The following C8orf34 variants were observed in gnomAD, a reference collection of about 807,000 sequenced individuals.
The protein encoded by C8orf34 is chromosome 8 open reading frame 34.
C8orf34 carries 65 observed loss-of-function variants against 68.3 expected under a neutral mutation model. The ratio of observed to expected loss-of-function variants is 0.95; its 90% confidence interval spans 0.78 to 1.17. The LOEUF (loss-of-function observed/expected upper bound fraction) is 1.17. Among genes scored for constraint, C8orf34 ranks in the 50% most tolerant of loss-of-function variants. C8orf34 has a pLI of 0.00. For synonymous variants in C8orf34, 244 were observed against 241.2 expected, an observed-to-expected ratio of 1.01 and a Z score of -0.11; for missense variants, 664 against 655.4, an observed-to-expected ratio of 1.01 and a Z score of -0.14.
At chr8:68,493,212 A>G (rs1458303481) in intron 5 of C8orf34, among the ~76,000 whole-genome samples, 3 of 152,338 alleles carry the variant, frequency 2.0e-5, no homozygotes, top group African/African-American at 7.2e-5. Flanking sequence ...AAAGGACACA[A>G]CACTCACAAA....
At chr8:68,610,775 A>G (rs1817992795) in intron 7 of C8orf34, among the ~76,000 whole-genome samples, 1 of 151,414 alleles carries the variant, frequency 6.6e-6, no homozygotes, top group Non-Finnish European at 1.5e-5. Context: ...AGTACATTTT[A>G]TTTATGTATT....
At position 68,784,639 on chromosome 8, in the gene C8orf34, T is replaced by G. The variant is rs560549769; in HGVS notation, c.1456-2804T>G. 5.1e-4 allele frequency among the ~76,000 whole-genome samples: 78 copies of G among 152,332 alleles called. 1 individual carries two copies. The highest frequency in any genetic ancestry group is 1.1e-3 in the Non-Finnish European group (75 of 68,026). Reference sequence around the variant, plus strand: ...CATTTATTTATTTGAACATTTATTTTTATCTATATGGACTTACAGATATTT... The same window carrying G: ...CATTTATTTATTTGAACATTTATTTGTATCTATATGGACTTACAGATATTT... On this transcript the variant is annotated intron_variant, in intron 11 of 13. Transcript: ENST00000518698.
At chr8:68,575,956 G>GGTTTTTTTTT (rs747862590) in intron 7 of C8orf34, among the ~76,000 whole-genome samples, 6 of 96,348 alleles carry the variant, frequency 6.2e-5, no homozygotes, top group African/African-American at 3.6e-5. Context: ...GTAGATGGTT[G>GGTTTTTTTTT]TTTTTTTTTT....
chr8:68,549,687 AATGATG>A (rs1200203775), intron 7 of C8orf34, among the ~76,000 whole-genome samples: 2 of 151,756 alleles, frequency 1.3e-5, no homozygotes, highest in Admixed American at 6.6e-5. Flanking sequence ...GTGAAATGAT[AATGATG>A]ATATTGAGAT....
At chr8:68,592,062 G>A (rs1817405537) in intron 7 of C8orf34, among the ~76,000 whole-genome samples, 3 of 152,110 alleles carry the variant, frequency 2.0e-5, no homozygotes, top group Admixed American at 2.0e-4. Context: ...ACTTACAAGT[G>A]TATAAACTTA....
chr8:68,336,079 C>T (rs560427679), intron 1 of C8orf34, among the ~76,000 whole-genome samples: 51 of 151,532 alleles, frequency 3.4e-4, no homozygotes, highest in Admixed American at 3.3e-3. Context: ...AGAGGGAGAC[C>T]CCATTACAAA....
intron 8 of C8orf34, among the ~76,000 whole-genome samples, chr8:68,652,083 G>T (rs1251561511): frequency 1.3e-5 from 2 of 152,120 alleles, no homozygotes; most frequent in Non-Finnish European, 2.9e-5. Context: ...AACCAATAAG[G>T]TTGTTGATCC....
chr8:68,335,980 G>A (rs1585935291), intron 1 of C8orf34, among the ~76,000 whole-genome samples: 2 of 152,050 alleles, frequency 1.3e-5, no homozygotes, highest in South Asian at 2.1e-4. Flanking sequence ...CCAGCTCCTC[G>A]GGAGGCTGAG....
chr8:68,739,333 T>C lies in C8orf34; in HGVS notation c.1404+17896T>C, dbSNP rs1219861073. ...ATATCTGACAAACCCACAGCCAACG[T>C]CATACCAAACGGATAAAAGCTGGAA... On this transcript the variant is annotated intron_variant, in intron 10 of 13. Coordinates refer to ENST00000518698, the MANE Select transcript of C8orf34 (RefSeq NM_052958.4). 8.6e-5 allele frequency among the ~76,000 whole-genome samples: 13 copies of C among 152,036 alleles called. 1 individual carries two copies. Among genetic ancestry groups the C allele is most frequent in the Admixed American group, 8.5e-4 (13 of 15,250 alleles).
intron 5 of C8orf34, among the ~76,000 whole-genome samples, chr8:68,516,355 G>T (rs975257519): frequency 6.6e-6 from 1 of 152,168 alleles, no homozygotes; most frequent in Non-Finnish European, 1.5e-5. Flanking sequence ...GGGGAGCAAA[G>T]GAGTTTAAGA....
chr8:68,703,141 A>G (rs1408179895), intron 8 of C8orf34, among the ~76,000 whole-genome samples: 1 of 152,138 alleles, frequency 6.6e-6, no homozygotes, highest in Non-Finnish European at 1.5e-5. Flanking sequence ...CATTTATTTA[A>G]CAAATATTTA....
rs78705634 is a variant in C8orf34, at chr8:68,413,870, A to G, written c.328-25629A>G. ...ATGTCACTAGCTCTTCCTTCACACC[A>G]TTCATTGGCTTTGCACTCCATTTAA... On this transcript the variant is annotated intron_variant, in intron 1 of 13. Coordinates refer to ENST00000518698, the MANE Select transcript of C8orf34 (RefSeq NM_052958.4). Among the ~76,000 whole-genome samples the G allele has an allele frequency of 7.9e-3, 1,204 of 152,248 alleles. 39 individuals carry two copies. In the East Asian group the frequency reaches 0.11, roughly 13 times the overall value.
chr8:68,738,893 C>G (rs1202472087), intron 10 of C8orf34, among the ~76,000 whole-genome samples: 1 of 152,044 alleles, frequency 6.6e-6, no homozygotes, highest in Admixed American at 6.6e-5. Context: ...TGAAAGTATT[C>G]TAAAAAATTA....
At chr8:68,435,386 A>G (rs1004806771) in intron 1 of C8orf34, among the ~76,000 whole-genome samples, 4 of 152,098 alleles carry the variant, frequency 2.6e-5, no homozygotes, top group African/African-American at 9.7e-5. Context: ...CACAGAGGAC[A>G]TGGAAATGCT....
chr8:68,625,672 C>G (rs1252645506), intron 7 of C8orf34: 1 of 699,820 alleles, frequency 1.4e-6, no homozygotes, highest in Non-Finnish European at 2.6e-6. Context: ...CATGTGCCTG[C>G]TCCTCCCTGT....
At chr8:68,631,917 C>T (rs1229669454) in intron 7 of C8orf34, among the ~76,000 whole-genome samples, 1 of 152,096 alleles carries the variant, frequency 6.6e-6, no homozygotes, top group Non-Finnish European at 1.5e-5. Context: ...TTATAAATTG[C>T]CTAGTCTCGG....
At chr8:68,508,718 G>A (rs1348401413) in intron 5 of C8orf34, among the ~76,000 whole-genome samples, 1 of 152,034 alleles carries the variant, frequency 6.6e-6, no homozygotes, top group Non-Finnish European at 1.5e-5. Flanking sequence ...TGAGACTGGC[G>A]GACAAGCATA....
chr8:68,546,132 A>C (rs1399083584), intron 7 of C8orf34, among the ~76,000 whole-genome samples: 1 of 152,086 alleles, frequency 6.6e-6, no homozygotes, highest in Non-Finnish European at 1.5e-5. Context: ...ATAGAATACT[A>C]AAATATATTT....
rs1823930724 is a variant in C8orf34, at chr8:68,789,405, A to G, written c.1549+1869A>G. Among the ~76,000 whole-genome samples, 3 of 152,246 alleles carry G rather than the reference A, an allele frequency of 2.0e-5. No individual in the cohort carries two copies. The South Asian group carries it at 6.2e-4, about 32-fold the overall frequency. Reference sequence around the variant, plus strand: ...TCCATCAAAATAGTATATTATATCCAGTTTCAAATTTAGTCTTCTTTTCTT... The same window carrying G: ...TCCATCAAAATAGTATATTATATCCGGTTTCAAATTTAGTCTTCTTTTCTT... On this transcript the variant is annotated intron_variant, in intron 12 of 13. Coordinates refer to ENST00000518698, the MANE Select transcript of C8orf34 (RefSeq NM_052958.4).
Sources: gnomAD v4.1 joint callset for allele counts (sites outside exome capture counted in the v4.1 genomes callset) on GRCh38, gnomAD v4.1.1 for gene constraint, MANE v1.5 for transcripts, NCBI Gene and HGNC (gene_info 2026-07-23, HGNC 2026-07-21) for gene names.